Variants in ADAMTSL1 observed in about 807,000 individuals in gnomAD.
ADAMTSL1 encodes the protein ADAMTS-like protein 1.
ADAMTSL1 carries 126 observed loss-of-function variants against 201.8 expected under a neutral mutation model. The observed-to-expected ratio is 0.62, with a 90% CI of 0.54 to 0.72. The LOEUF (loss-of-function observed/expected upper bound fraction) is 0.72, where lower values mean the gene tolerates loss of function less well. ADAMTSL1 is among the 30% of genes least tolerant of loss of function. ADAMTSL1 has a pLI of 0.00. For missense variants in ADAMTSL1, 2,679 were observed against 2,277.8 expected (o/e 1.18, Z -3.59); for synonymous variants, 1,121 against 903.4 (o/e 1.24, Z -4.32).
At chr9:18,314,583 A>T (rs1834288256) in intron 2 of ADAMTSL1, among the ~76,000 whole-genome samples, 1 of 150,972 alleles carries the variant, frequency 6.6e-6, no homozygotes, top group African/African-American at 2.4e-5. Flanking sequence ...GGAGTTGTTC[A>T]TCCCTCCCAG....
At chr9:18,241,346 AC>A (rs2132449630) in intron 2 of ADAMTSL1, among the ~76,000 whole-genome samples, 1 of 152,064 alleles carries the variant, frequency 6.6e-6, no homozygotes, top group East Asian at 1.9e-4. Context: ...CCTCTGTAGA[AC>A]CCTTTCTGGC....
At chr9:18,214,499 T>A (rs1587327086) in intron 2 of ADAMTSL1, among the ~76,000 whole-genome samples, 1 of 152,308 alleles carries the variant, frequency 6.6e-6, no homozygotes, top group African/African-American at 2.4e-5. Flanking sequence ...TTTTGACATC[T>A]GATGGCGATG....
At chr9:18,016,534 G>C (rs536316120) in intron 1 of ADAMTSL1, among the ~76,000 whole-genome samples, 4 of 151,920 alleles carry the variant, frequency 2.6e-5, no homozygotes, top group Non-Finnish European at 5.9e-5. Flanking sequence ...CAGAGACCCT[G>C]ATGTACATGA....
intron 2 of ADAMTSL1, among the ~76,000 whole-genome samples, chr9:18,298,938 G>A (rs1287926005): frequency 6.6e-6 from 1 of 151,744 alleles, no homozygotes; most frequent in African/African-American, 2.4e-5. Flanking sequence ...CGTGAACCCG[G>A]GAGGCGGAGC....
intron 2 of ADAMTSL1, among the ~76,000 whole-genome samples, chr9:18,326,167 T>C (rs1385679206): frequency 1.3e-5 from 2 of 152,190 alleles, no homozygotes; most frequent in African/African-American, 2.4e-5. Flanking sequence ...AGTTTCAACA[T>C]GAATTTTGAA....
intron 1 of ADAMTSL1, among the ~76,000 whole-genome samples, chr9:18,140,704 C>A (rs1451247920): frequency 6.6e-6 from 1 of 152,142 alleles, no homozygotes; most frequent in Non-Finnish European, 1.5e-5. Context: ...TGGGAGCATG[C>A]CTGAAATCCA....
chr9:18,617,836 G>A (rs533793754), intron 4 of ADAMTSL1, among the ~76,000 whole-genome samples: 3 of 152,228 alleles, frequency 2.0e-5, no homozygotes, highest in Non-Finnish European at 4.4e-5. Context: ...TGCAAAATAA[G>A]CAACACTGTG....
intron 2 of ADAMTSL1, among the ~76,000 whole-genome samples, chr9:18,288,744 G>A (rs368895503): frequency 6.6e-6 from 1 of 152,364 alleles, no homozygotes; most frequent in African/African-American, 2.4e-5. Context: ...TCACAAAAAT[G>A]AGAAATACCC....
At position 18,215,978 on chromosome 9, in the gene ADAMTSL1, G is replaced by A. The variant is rs62551345; in HGVS notation, c.207+51997G>A. 6.2e-3 allele frequency among the ~76,000 whole-genome samples: 948 copies of A among 152,212 alleles called. 7 individuals carry two copies. The highest frequency in any genetic ancestry group is 0.031 in the Middle Eastern group (9 of 294). ...AACTGAGTTAGAGCCTCAAACCTTC[G>A]TAAAGATTAGGAAAGATTCTGTGAA... On this transcript the variant is annotated intron_variant, in intron 2 of 29. Coordinates refer to the ADAMTSL1 transcript ENST00000680146.
At chr9:18,280,108 C>A (rs1343660448) in intron 2 of ADAMTSL1, among the ~76,000 whole-genome samples, 2 of 152,082 alleles carry the variant, frequency 1.3e-5, no homozygotes, top group Non-Finnish European at 2.9e-5. Context: ...AGCCAGTAGT[C>A]TGGAGCCTGG....
chr9:18,172,906 A>G (rs1279286807), intron 2 of ADAMTSL1, among the ~76,000 whole-genome samples: 1 of 152,112 alleles, frequency 6.6e-6, no homozygotes, highest in Non-Finnish European at 1.5e-5. Context: ...ATTAGATTTC[A>G]TTTAGAGAAA....
chr9:17,972,034 G>A (rs1200106883), intron 1 of ADAMTSL1, among the ~76,000 whole-genome samples: 4 of 151,764 alleles, frequency 2.6e-5, no homozygotes, highest in African/African-American at 9.7e-5. Context: ...TTTGATATAT[G>A]TATACATTGT....
intron 5 of ADAMTSL1, among the ~76,000 whole-genome samples, chr9:18,626,713 C>T (rs922992658): frequency 2.0e-5 from 3 of 152,130 alleles, no homozygotes; most frequent in African/African-American, 7.2e-5. Flanking sequence ...TTACACTAAG[C>T]CAGGCCACAG....
intron 7 of ADAMTSL1, among the ~76,000 whole-genome samples, chr9:18,644,396 T>C (rs1438560372): frequency 6.6e-6 from 1 of 151,912 alleles, no homozygotes; most frequent in African/African-American, 2.4e-5. Flanking sequence ...TTTTTTTAAT[T>C]ATTATTATAC....
At chr9:18,372,634 G>A (rs759513761) in intron 2 of ADAMTSL1, among the ~76,000 whole-genome samples, 54 of 152,244 alleles carry the variant, frequency 3.5e-4, no homozygotes, top group Non-Finnish European at 4.9e-4. Flanking sequence ...TTTAATGTGT[G>A]TTCACCAACA....
At chr9:18,627,493 G>A (rs927811939) in intron 5 of ADAMTSL1, among the ~76,000 whole-genome samples, 5 of 152,144 alleles carry the variant, frequency 3.3e-5, no homozygotes, top group African/African-American at 9.7e-5. Context: ...ACTGAAATAG[G>A]TTTCACTGGG....
At chr9:18,129,536 T>A (rs1825865050) in intron 1 of ADAMTSL1, among the ~76,000 whole-genome samples, 1 of 152,164 alleles carries the variant, frequency 6.6e-6, no homozygotes, top group Admixed American at 6.5e-5. Flanking sequence ...TTCTGTGGGT[T>A]TTTATCTGTT....
chr9:18,880,787 G>C (rs747766549), intron 23 of ADAMTSL1, among the ~76,000 whole-genome samples: 14 of 152,170 alleles, frequency 9.2e-5, no homozygotes, highest in Non-Finnish European at 1.9e-4. Flanking sequence ...TTTGAAGCCA[G>C]GTATTGACTT....
At chr9:18,330,772 G>T in intron 2 of ADAMTSL1, among the ~76,000 whole-genome samples, 1 of 152,088 alleles carries the variant, frequency 6.6e-6, no homozygotes, top group East Asian at 1.9e-4. Flanking sequence ...TTAAGATATG[G>T]CACTAAGCAA....
Sources: gnomAD v4.1 joint callset for allele counts (sites outside exome capture counted in the v4.1 genomes callset) on GRCh38, gnomAD v4.1.1 for gene constraint, MANE v1.5 for transcripts, NCBI Gene and HGNC (gene_info 2026-07-23, HGNC 2026-07-21) for gene names.